The following RB1 variants were observed in gnomAD, a reference collection of about 807,000 sequenced individuals.
The protein encoded by RB1 is RB transcriptional corepressor 1, also known as retinoblastoma-associated protein.
In RB1, 18 loss-of-function variants were observed where a neutral mutation model predicts 135.4. That is an observed-to-expected ratio of 0.13 (90% CI 0.09 to 0.20). RB1 has a LOEUF of 0.20. Among genes scored for constraint, RB1 ranks in the 10% least tolerant of loss-of-function variants. The pLI, the probability that RB1 is intolerant of heterozygous loss-of-function variation, is 1.00. For missense variants in RB1, 868 were observed against 1,110.0 expected (o/e 0.78, Z 3.10); for synonymous variants, 365 against 373.2 (o/e 0.98, Z 0.25).
chr13:48,423,298 G>A (rs1405128358), intron 17 of RB1, among the ~76,000 whole-genome samples: 2 of 151,988 alleles, frequency 1.3e-5, no homozygotes, highest in African/African-American at 2.4e-5. Context: ...TTTTTGAGAC[G>A]GAGTCTTGCT....
At chr13:48,337,270 A>G (rs1397637191) in intron 2 of RB1, among the ~76,000 whole-genome samples, 1 of 152,192 alleles carries the variant, frequency 6.6e-6, no homozygotes, top group African/African-American at 2.4e-5. Flanking sequence ...TCTAATGTTG[A>G]CAGTGGGGTG....
intron 2 of RB1, among the ~76,000 whole-genome samples, chr13:48,314,723 CCCGGGA>C (rs1952165303): frequency 6.6e-6 from 1 of 152,064 alleles, no homozygotes; most frequent in African/African-American, 2.4e-5. Flanking sequence ...ATCGCTTGAA[CCCGGGA>C]GGCGGAGGTT....
rs1949402836 is a variant in RB1 at position 48,461,180 on chromosome 13, C to G, written c.2106+1347C>G. Among the ~76,000 whole-genome samples the G allele has an allele frequency of 4.6e-5, 7 of 152,054 alleles. No homozygotes were observed. In the South Asian group the frequency reaches 1.5e-3, roughly 32 times the overall value. ...GCAGTCACCCCCTATTCCCCTACCC[C>G]CTCAGCCCAAGGCAATACTAATCTA... On this transcript the variant is annotated intron_variant, in intron 20 of 26. Coordinates refer to ENST00000267163, the MANE Select transcript of RB1 (RefSeq NM_000321.3).
chr13:48,354,997 A>G (rs1273743145), intron 6 of RB1, among the ~76,000 whole-genome samples: 1 of 152,182 alleles, frequency 6.6e-6, no homozygotes, highest in Non-Finnish European at 1.5e-5. Context: ...TCTCCAGGAC[A>G]TCAGTCTGGG....
At chr13:48,348,907 C>A in intron 5 of RB1, 49 bp from the exon 6 acceptor site, 1 of 1,574,836 alleles carries the variant, frequency 6.3e-7, no homozygotes, top group South Asian at 1.2e-5. Flanking sequence ...AACTTTCTTT[C>A]AGTGATACAT....
intron 12 of RB1, among the ~76,000 whole-genome samples, chr13:48,375,795 T>C (rs1335573910): frequency 6.6e-6 from 1 of 151,834 alleles, no homozygotes. Flanking sequence ...CCCAGGCTGG[T>C]CTCAAACTCC....
chr13:48,312,920 G>C (rs1196806672), intron 2 of RB1, among the ~76,000 whole-genome samples: 1 of 151,894 alleles, frequency 6.6e-6, no homozygotes, highest in African/African-American at 2.4e-5. Context: ...ATTTTTCATT[G>C]TTACAACCCA....
Position 48,473,368 on chromosome 13 carries a change from T to C in RB1, c.2498T>C (p.Val833Ala), listed in dbSNP as rs771303006. The change falls in exon 24 of 27, where the codon GTA becomes GCA. Residue 833 changes from valine (V) to alanine (A), a missense_variant. This residue lies in a region of RB1 where 196 missense variants were observed against 239.8 expected (regional missense o/e 0.82). Coordinates refer to ENST00000267163, the MANE Select transcript of RB1 (RefSeq NM_000321.3). ...TCATCTTAACTTGACAGAATCTTAG[T>C]ATCAATTGGTGAATCATTCGGGGTG... ...TKMTPRSRIL[V>A]SIGESFGTSE... 1 of 1,572,090 alleles carries C rather than the reference T, an allele frequency of 6.4e-7. No homozygotes were observed. The highest frequency in any genetic ancestry group is 8.7e-7 in the Non-Finnish European group (1 of 1,143,234).
intron 2 of RB1, among the ~76,000 whole-genome samples, chr13:48,339,268 G>C (rs955395822): frequency 3.5e-4 from 53 of 152,210 alleles, no homozygotes; most frequent in African/African-American, 1.3e-3. Flanking sequence ...CCTGCCCCCA[G>C]AGGTGGAATC....
intron 4 of RB1, among the ~76,000 whole-genome samples, chr13:48,346,099 C>CTTTTTTTTTTTTTTTT (rs35882805): frequency 8.5e-6 from 1 of 117,116 alleles, no homozygotes; most frequent in Non-Finnish European, 1.7e-5. Flanking sequence ...CATTGGCCAT[C>CTTTTTTTTTTTTTTTT]TTTTTTTTTT....
At chr13:48,365,550 T>G (rs978648162) in intron 9 of RB1, among the ~76,000 whole-genome samples, 49 of 152,206 alleles carry the variant, frequency 3.2e-4, no homozygotes, top group African/African-American at 1.0e-3. Context: ...CTGAGAGCTT[T>G]GCATGGTAAG....
chr13:48,328,830 T>A (rs1366291194), intron 2 of RB1, among the ~76,000 whole-genome samples: 4 of 152,206 alleles, frequency 2.6e-5, no homozygotes, highest in Admixed American at 2.6e-4. Context: ...AGTTAGGATA[T>A]CTTTAAGTCT....
At chr13:48,306,666 T>C (rs1331678552) in intron 1 of RB1, among the ~76,000 whole-genome samples, 1 of 152,246 alleles carries the variant, frequency 6.6e-6, no homozygotes, top group African/African-American at 2.4e-5. Context: ...AGGTACTTTC[T>C]ACAGGATCAT....
Position 48,317,633 on chromosome 13 carries a change from T to G in RB1, c.264+10227T>G. 2.6e-5 allele frequency: 13 copies of G among 499,572 alleles called. No homozygotes were observed. In the South Asian group the frequency reaches 2.7e-4, roughly 11 times the overall value. The allele number at this position is 499,572 out of a possible 1,614,324, so 30.9% of individuals were successfully genotyped here. On this transcript the variant is annotated intron_variant, in intron 2 of 26. Coordinates refer to ENST00000267163, the MANE Select transcript of RB1 (RefSeq NM_000321.3). ...TTCTGAATGTAAACATTTCTCCTGCTCGCTGAGAGCCCCTTGGCGGAGACA... is the reference window on the plus strand; with the variant it reads ...TTCTGAATGTAAACATTTCTCCTGCGCGCTGAGAGCCCCTTGGCGGAGACA...
rs540858187 is a variant in RB1, at chr13:48,341,854, A to G, written c.265-745A>G. 3.9e-5 allele frequency among the ~76,000 whole-genome samples: 6 copies of G among 152,154 alleles called. No homozygotes were observed. The East Asian group carries it at 1.2e-3, about 29-fold the overall frequency. ...GTAAGTAAATAGTTCCAACTATTTA[A>G]TGAACATTAATTTGACATTTCTTTT... On this transcript the variant is annotated intron_variant, in intron 2 of 26. Coordinates refer to ENST00000267163, the MANE Select transcript of RB1 (RefSeq NM_000321.3).
intron 2 of RB1, among the ~76,000 whole-genome samples, chr13:48,335,017 G>A (rs1397566753): frequency 6.6e-6 from 1 of 152,014 alleles, no homozygotes; most frequent in Non-Finnish European, 1.5e-5. Context: ...AAAAATGTAT[G>A]CAGGATTAAT....
At position 48,303,972 on chromosome 13, in the gene RB1, C is replaced by G. The variant is rs777340111; in HGVS notation, c.60C>G (p.Pro20=). 3 of 1,502,996 alleles carry G rather than the reference C, an allele frequency of 2.0e-6. No individual in the cohort carries two copies. Among genetic ancestry groups the G allele is most frequent in the African/African-American group, 1.5e-5 (1 of 68,948 alleles). 93.1% of individuals were successfully genotyped at this position (1,502,996 alleles called of 1,614,324 possible). ...AATAAAAAAE[P]PAPPPPPPPE... ...CCGCCGCCGCTGCCGCCGCGGAACCCCCGGCACCGCCGCCGCCGCCCCCTC... is the reference window on the plus strand; with the variant it reads ...CCGCCGCCGCTGCCGCCGCGGAACCGCCGGCACCGCCGCCGCCGCCCCCTC... Residue 20 remains proline (P), a synonymous_variant, in exon 1 of 27, where the codon CCC becomes CCG. Transcript: ENST00000267163.
At chr13:48,328,421 A>C (rs1470796819) in intron 2 of RB1, 1 of 1,360,666 alleles carries the variant, frequency 7.3e-7, no homozygotes, top group African/African-American at 1.4e-5. Context: ...AGATCTTTGC[A>C]GGCTTTGTTG....
intron 2 of RB1, among the ~76,000 whole-genome samples, chr13:48,332,836 T>C (rs997325489): frequency 1.3e-5 from 2 of 152,168 alleles, no homozygotes; most frequent in African/African-American, 4.8e-5. Context: ...AATCCACAGA[T>C]AGTACTTAAC....
Sources: gnomAD v4.1 joint callset for allele counts (sites outside exome capture counted in the v4.1 genomes callset) on GRCh38, gnomAD v4.1.1 for gene constraint, gnomAD v4.1.1 regional missense constraint, MANE v1.5 for transcripts, NCBI Gene and HGNC (gene_info 2026-07-23, HGNC 2026-07-21) for gene names.